The following CNTNAP2 variants were observed in gnomAD, a reference collection of about 807,000 sequenced individuals.
The protein encoded by CNTNAP2 is contactin associated protein 2, also known as contactin-associated protein-like 2.
In CNTNAP2, 98 loss-of-function variants were observed where a neutral mutation model predicts 155.2. The observed-to-expected ratio is 0.63, with a 90% CI of 0.54 to 0.75. The LOEUF (loss-of-function observed/expected upper bound fraction) is 0.75. CNTNAP2 is among the 30% of genes least tolerant of loss of function. CNTNAP2 has a pLI of 0.00. For missense variants in CNTNAP2, 1,727 were observed against 1,688.1 expected, an observed-to-expected ratio of 1.02 and a Z score of -0.40; for synonymous variants, 651 against 631.2, an observed-to-expected ratio of 1.03 and a Z score of -0.47.
chr7:146,599,784 C>A (rs371205754), intron 1 of CNTNAP2, among the ~76,000 whole-genome samples: 1 of 50,004 alleles, frequency 2.0e-5, no homozygotes, highest in African/African-American at 8.2e-5. Context: ...ATAGATAGAT[C>A]TCTAGTTTTA....
At chr7:147,199,642 T>A (rs1032270151) in intron 8 of CNTNAP2, among the ~76,000 whole-genome samples, 1 of 152,002 alleles carries the variant, frequency 6.6e-6, no homozygotes, top group Non-Finnish European at 1.5e-5. Context: ...CTTGTTGTTG[T>A]TTTTTATTGC....
chr7:148,024,723 G>T (rs1343064843), intron 15 of CNTNAP2, among the ~76,000 whole-genome samples: 1 of 152,194 alleles, frequency 6.6e-6, no homozygotes, highest in Non-Finnish European at 1.5e-5. Flanking sequence ...TAGCAAAGGT[G>T]AGAATCATCA....
intron 1 of CNTNAP2, among the ~76,000 whole-genome samples, chr7:146,137,374 G>A (rs892399543): frequency 3.3e-5 from 5 of 152,114 alleles, no homozygotes; most frequent in African/African-American, 9.7e-5. Flanking sequence ...TATTTCATCT[G>A]CCACATGAAA....
chr7:147,733,907 G>T (rs1251607625), intron 13 of CNTNAP2, among the ~76,000 whole-genome samples: 1 of 152,178 alleles, frequency 6.6e-6, no homozygotes, highest in African/African-American at 2.4e-5. Flanking sequence ...AGCTTAAGGA[G>T]ATTTTGGGCT....
At chr7:147,486,175 T>A in intron 11 of CNTNAP2, 134 bp downstream of exon 11, 1 of 636,582 alleles carries the variant, frequency 1.6e-6, no homozygotes, top group Non-Finnish European at 2.6e-6. Flanking sequence ...AGATTCCAAT[T>A]GTCATTTCTC....
intron 21 of CNTNAP2, among the ~76,000 whole-genome samples, chr7:148,352,863 C>T (rs567187813): frequency 1.6e-4 from 24 of 152,310 alleles, no homozygotes; most frequent in African/African-American, 5.1e-4. Flanking sequence ...CTTTTGGCCT[C>T]CTTTGCCAGC....
chr7:146,784,077 G>GA (rs1349562534), intron 2 of CNTNAP2, among the ~76,000 whole-genome samples: 1 of 152,152 alleles, frequency 6.6e-6, no homozygotes. Flanking sequence ...TTAACAGAAT[G>GA]AACTAGACTT....
intron 1 of CNTNAP2, among the ~76,000 whole-genome samples, chr7:146,403,900 C>T (rs953835667): frequency 2.0e-5 from 3 of 151,902 alleles, no homozygotes; most frequent in Non-Finnish European, 2.9e-5. Flanking sequence ...CCGAGGCGGG[C>T]GGATCACGAG....
chr7:146,823,803 T>A (rs1803345304), intron 2 of CNTNAP2, among the ~76,000 whole-genome samples: 1 of 152,108 alleles, frequency 6.6e-6, no homozygotes. Context: ...CTTCCCATTT[T>A]TTTATGGCTG....
chr7:147,708,093 A>G lies in CNTNAP2; in HGVS notation c.2098+68787A>G, dbSNP rs552466312. 2.6e-5 allele frequency among the ~76,000 whole-genome samples: 4 copies of G among 152,266 alleles called. No homozygotes were observed. In the South Asian group the frequency reaches 8.3e-4, roughly 32 times the overall value. The stretch of plus-strand genomic sequence containing the variant: ...GGTGGAGTGATCCACATGTCCCCAA[A>G]GAAATGTTTGAGAGAAGGCAGCAGC... On this transcript the variant is annotated intron_variant, in intron 13 of 23. Transcript: ENST00000361727.
At chr7:147,855,677 T>C (rs1317793027) in intron 13 of CNTNAP2, among the ~76,000 whole-genome samples, 1 of 152,096 alleles carries the variant, frequency 6.6e-6, no homozygotes, top group African/African-American at 2.4e-5. Flanking sequence ...ATCTGCAGTG[T>C]AAAACTCTCT....
chr7:147,375,936 C>A (rs1459154165), intron 9 of CNTNAP2, among the ~76,000 whole-genome samples: 3 of 151,930 alleles, frequency 2.0e-5, no homozygotes, highest in Non-Finnish European at 2.9e-5. Context: ...TTCACAGATA[C>A]CCTGGAAGAA....
chr7:147,160,353 T>C (rs1802002367), intron 8 of CNTNAP2, among the ~76,000 whole-genome samples: 1 of 152,114 alleles, frequency 6.6e-6, no homozygotes, highest in Non-Finnish European at 1.5e-5. Flanking sequence ...TGGAATAAAA[T>C]GCCCCAGTTA....
At chr7:146,938,407 A>G (rs1339335137) in intron 3 of CNTNAP2, among the ~76,000 whole-genome samples, 1 of 150,448 alleles carries the variant, frequency 6.6e-6, no homozygotes, top group East Asian at 2.0e-4. Flanking sequence ...TATATATTAT[A>G]TATACATATA....
chr7:146,718,234 C>G (rs376735486), intron 1 of CNTNAP2, among the ~76,000 whole-genome samples: 10 of 152,260 alleles, frequency 6.6e-5, no homozygotes, highest in African/African-American at 2.4e-4. Context: ...AATCTCAGTG[C>G]TTTTCTCCAA....
chr7:147,215,515 G>A (rs546030336), intron 8 of CNTNAP2, among the ~76,000 whole-genome samples: 1 of 152,074 alleles, frequency 6.6e-6, no homozygotes, highest in Non-Finnish European at 1.5e-5. Context: ...GTCTTTTCAT[G>A]GCATTTTTTT....
intron 3 of CNTNAP2, among the ~76,000 whole-genome samples, chr7:147,027,455 T>G (rs1180107945): frequency 6.6e-6 from 1 of 152,226 alleles, no homozygotes; most frequent in East Asian, 1.9e-4. Context: ...GTTAATTTGT[T>G]GAAAAGAATC....
At chr7:147,140,075 C>CT (rs1233944486) in intron 8 of CNTNAP2, among the ~76,000 whole-genome samples, 7 of 151,988 alleles carry the variant, frequency 4.6e-5, no homozygotes, top group Non-Finnish European at 7.4e-5. Flanking sequence ...CCAGTCAGTG[C>CT]TTTTTTCCTT....
chr7:148,004,332 T>C (rs924336523), intron 15 of CNTNAP2, among the ~76,000 whole-genome samples: 2 of 152,214 alleles, frequency 1.3e-5, no homozygotes, highest in African/African-American at 4.8e-5. Context: ...ACATAAATCA[T>C]ATAGGTGTAA....
Sources: gnomAD v4.1 joint callset for allele counts (sites outside exome capture counted in the v4.1 genomes callset) on GRCh38, gnomAD v4.1.1 for gene constraint, MANE v1.5 for transcripts, NCBI Gene and HGNC (gene_info 2026-07-23, HGNC 2026-07-21) for gene names.